The following SNCAIP variants were observed in gnomAD, a reference collection of about 807,000 sequenced individuals.
The protein encoded by SNCAIP is synphilin-1.
SNCAIP carries 43 observed loss-of-function variants against 86.7 expected under a neutral mutation model. The ratio of observed to expected loss-of-function variants is 0.50; its 90% CI spans 0.39 to 0.64. The LOEUF (loss-of-function observed/expected upper bound fraction) is 0.64, where lower values mean the gene tolerates loss of function less well. Ranked by LOEUF, SNCAIP falls within the 30% of genes least tolerant of loss-of-function variation. The probability of loss-of-function intolerance (pLI) is 0.00; values close to 1 mark genes in which losing one functional copy is unlikely to be tolerated. For missense variants in SNCAIP, 981 were observed against 1,103.1 expected, an observed-to-expected ratio of 0.89 and a Z score of 1.57; for synonymous variants, 417 against 427.2, an observed-to-expected ratio of 0.98 and a Z score of 0.29.
At chr5:122,315,070 T>C (rs754000634) in intron 1 of SNCAIP, among the ~76,000 whole-genome samples, 10 of 152,246 alleles carry the variant, frequency 6.6e-5, no homozygotes, top group African/African-American at 2.2e-4. Flanking sequence ...ATATCAGTTA[T>C]TCATTGCTGG....
intron 1 of SNCAIP, among the ~76,000 whole-genome samples, chr5:122,361,148 C>T (rs1344901235): frequency 1.4e-5 from 2 of 139,844 alleles, no homozygotes; most frequent in Non-Finnish European, 3.1e-5. Context: ...TTTGAATTTA[C>T]AGTACATAAT....
At chr5:122,448,621 A>G (rs1204363849) in intron 8 of SNCAIP, among the ~76,000 whole-genome samples, 2 of 139,642 alleles carry the variant, frequency 1.4e-5, no homozygotes, top group African/African-American at 5.3e-5. Flanking sequence ...ATTTTTATAT[A>G]TATAATATAT....
chr5:122,353,708 A>G (rs973838706), intron 1 of SNCAIP, among the ~76,000 whole-genome samples: 20 of 152,194 alleles, frequency 1.3e-4, no homozygotes, highest in Non-Finnish European at 1.2e-4. Context: ...CATGAAAGAC[A>G]TGACTTGCTC....
At chr5:122,435,746 G>C (rs1779311087) in intron 6 of SNCAIP, among the ~76,000 whole-genome samples, 1 of 152,042 alleles carries the variant, frequency 6.6e-6, no homozygotes, top group Non-Finnish European at 1.5e-5. Flanking sequence ...GCTGGTGAGG[G>C]GGGTGTTCCC....
intron 10 of SNCAIP, chr5:122,452,819 GTCC>G: frequency 1.4e-6 from 1 of 722,208 alleles, no homozygotes; most frequent in Admixed American, 2.0e-5. Context: ...CTAAGCCACT[GTCC>G]TCTAATCTAT....
At chr5:122,323,134 T>C (rs1277661358) in intron 1 of SNCAIP, among the ~76,000 whole-genome samples, 1 of 152,172 alleles carries the variant, frequency 6.6e-6, no homozygotes, top group Non-Finnish European at 1.5e-5. Flanking sequence ...CCAAGGCCCA[T>C]GAACTCGGGC....
At chr5:122,399,316 T>C (rs1771282169) in intron 2 of SNCAIP, among the ~76,000 whole-genome samples, 2 of 152,058 alleles carry the variant, frequency 1.3e-5, no homozygotes, top group South Asian at 4.1e-4. Context: ...CTTCCACACA[T>C]AAGGAAACTG....
chr5:122,448,251 G>A (rs973023864), intron 8 of SNCAIP, among the ~76,000 whole-genome samples: 1 of 151,942 alleles, frequency 6.6e-6, no homozygotes, highest in African/African-American at 2.4e-5. Context: ...ATTTTTTTCT[G>A]CTAATTGTAT....
At chr5:122,373,212 T>TATG (rs1388615836) in intron 1 of SNCAIP, among the ~76,000 whole-genome samples, 1 of 152,162 alleles carries the variant, frequency 6.6e-6, no homozygotes, top group Non-Finnish European at 1.5e-5. Context: ...AATACATTTC[T>TATG]GAGAACTTTT....
chr5:122,452,213 A>G (rs1462984045), intron 10 of SNCAIP, among the ~76,000 whole-genome samples: 1 of 152,222 alleles, frequency 6.6e-6, no homozygotes, highest in Non-Finnish European at 1.5e-5. Flanking sequence ...AGAGTATGCC[A>G]TGAACTACAT....
At chr5:122,352,521 T>G (rs761504247) in intron 1 of SNCAIP, among the ~76,000 whole-genome samples, 1 of 152,204 alleles carries the variant, frequency 6.6e-6, no homozygotes, top group Non-Finnish European at 1.5e-5. Flanking sequence ...AGAAAAAGAC[T>G]CATCAATTGT....
intron 10 of SNCAIP, among the ~76,000 whole-genome samples, chr5:122,461,223 T>A (rs1433592914): frequency 6.6e-6 from 1 of 152,232 alleles, no homozygotes; most frequent in Non-Finnish European, 1.5e-5. Flanking sequence ...TGAGAAGCCC[T>A]ATTCTTCTCT....
In SNCAIP at chr5:122,432,094, T is replaced by A. The variant is rs750113472; in HGVS notation, c.1296+12T>A. The A allele has an allele frequency of 2.2e-5, 24 of 1,106,474 alleles. 1 individual carries two copies. Among genetic ancestry groups the A allele is most frequent in the South Asian group, 1.6e-4 (13 of 80,586 alleles). 68.5% of individuals were successfully genotyped at this position (1,106,474 alleles called of 1,614,324 possible). ...GTTGCTATGGCCAGGTATGAAGGAG[T>A]TTTTTAAGTATCTTCCCTTTGTGTA... is the stretch of plus-strand genomic sequence containing the variant. On this transcript the variant is annotated intron_variant, in intron 6 of 10. Coordinates refer to ENST00000261368, the MANE Select transcript of SNCAIP (RefSeq NM_005460.4).
chr5:122,445,100 A>G (rs1781989849), intron 8 of SNCAIP, among the ~76,000 whole-genome samples: 1 of 152,222 alleles, frequency 6.6e-6, no homozygotes, highest in Non-Finnish European at 1.5e-5. Flanking sequence ...TAGGAATCAT[A>G]AAGAACATGA....
chr5:122,458,152 G>T (rs889611227), intron 10 of SNCAIP, among the ~76,000 whole-genome samples: 1 of 152,170 alleles, frequency 6.6e-6, no homozygotes, highest in African/African-American at 2.4e-5. Context: ...GAAGACCCTC[G>T]TACTCTCTTA....
At chr5:122,395,242 T>C (rs891407899) in intron 2 of SNCAIP, among the ~76,000 whole-genome samples, 1 of 152,196 alleles carries the variant, frequency 6.6e-6, no homozygotes, top group African/African-American at 2.4e-5. Context: ...ACCCTAAATT[T>C]ATACACATAC....
intron 6 of SNCAIP, among the ~76,000 whole-genome samples, chr5:122,439,994 G>T (rs529455739): frequency 6.6e-6 from 1 of 152,302 alleles, no homozygotes; most frequent in South Asian, 2.1e-4. Flanking sequence ...TAACATGAAA[G>T]AAGGGAAATC....
chr5:122,406,320 G>T (rs1378252322), intron 3 of SNCAIP, among the ~76,000 whole-genome samples: 1 of 152,192 alleles, frequency 6.6e-6, no homozygotes, highest in East Asian at 1.9e-4. Context: ...CTCCAGGAAA[G>T]CTAGCAGATT....
chr5:122,440,521 G>A (rs563974616), intron 6 of SNCAIP, 108 bp from the exon 7 acceptor site: 10 of 1,033,736 alleles, frequency 9.7e-6, no homozygotes, highest in East Asian at 2.4e-5. Context: ...GCTACGGTAA[G>A]CATGGTTTTA....
Sources: allele counts gnomAD v4.1 joint callset (sites outside exome capture counted in the v4.1 genomes callset), GRCh38; gene constraint gnomAD v4.1.1; transcripts MANE v1.5; gene names NCBI Gene and HGNC (gene_info 2026-07-23, HGNC 2026-07-21).